The following ARHGAP28 variants were observed in gnomAD, a reference collection of about 807,000 sequenced individuals.
The protein encoded by ARHGAP28 is rho GTPase-activating protein 28.
Under a neutral mutation model 90.7 loss-of-function variants are expected in ARHGAP28, and 56 were observed. That is an observed-to-expected ratio of 0.62 (90% CI 0.50 to 0.77). The LOEUF (loss-of-function observed/expected upper bound fraction) is 0.77. Ranked by LOEUF, ARHGAP28 falls within the 30% of genes least tolerant of loss-of-function variation. The probability of loss-of-function intolerance (pLI) is 0.00; values close to 1 mark genes in which losing one functional copy is unlikely to be tolerated. For synonymous variants in ARHGAP28, 308 were observed against 323.3 expected (o/e 0.95, Z 0.51); for missense variants, 869 against 900.9 (o/e 0.96, Z 0.45).
At chr18:6,752,046 A>C (rs2056073679) in intron 1 of ARHGAP28, among the ~76,000 whole-genome samples, 1 of 152,244 alleles carries the variant, frequency 6.6e-6, no homozygotes, top group Non-Finnish European at 1.5e-5. Context: ...CTACACTTGT[A>C]GAACAGAGTA....
At chr18:6,730,946 A>G (rs1035300623) in intron 1 of ARHGAP28, among the ~76,000 whole-genome samples, 2 of 152,154 alleles carry the variant, frequency 1.3e-5, no homozygotes, top group Non-Finnish European at 2.9e-5. Context: ...TGTGATTTTA[A>G]TTGATTTCCT....
intron 2 of ARHGAP28, among the ~76,000 whole-genome samples, chr18:6,828,240 A>C (rs1013627241): frequency 1.3e-5 from 2 of 152,162 alleles, no homozygotes; most frequent in African/African-American, 4.8e-5. Context: ...AATCGCAGGC[A>C]CTCGGCAGGC....
rs749864588 is a variant in ARHGAP28, at chr18:6,890,094, C to T, written c.1734+9C>T. On this transcript the variant is annotated intron_variant, in intron 13 of 17. Coordinates refer to ENST00000383472, the MANE Select transcript of ARHGAP28 (RefSeq NM_001366230.1). Reference sequence around the variant, plus strand: ...AGAAGATTTTGTGGAAGGTGAGTGACATAGTGATGACAGGTCCCCCTCAGA... The same window carrying T: ...AGAAGATTTTGTGGAAGGTGAGTGATATAGTGATGACAGGTCCCCCTCAGA... 2.5e-6 allele frequency: 4 copies of T among 1,613,888 alleles called. No individual in the cohort carries two copies. The African/African-American group carries it at 5.3e-5, about 22-fold the overall frequency.
intron 2 of ARHGAP28, among the ~76,000 whole-genome samples, chr18:6,827,040 A>G (rs1173152048): frequency 1.3e-5 from 2 of 152,150 alleles, no homozygotes; most frequent in African/African-American, 2.4e-5. Context: ...AAGGCAGAAG[A>G]ATTTATCTTA....
At chr18:6,746,740 A>G (rs987108199) in intron 1 of ARHGAP28, among the ~76,000 whole-genome samples, 2 of 152,212 alleles carry the variant, frequency 1.3e-5, no homozygotes, top group African/African-American at 4.8e-5. Context: ...CATTACTTCA[A>G]ATATAGTGTC....
chr18:6,813,922 C>G (rs2056573595), intron 1 of ARHGAP28, among the ~76,000 whole-genome samples: 1 of 152,096 alleles, frequency 6.6e-6, no homozygotes, highest in Non-Finnish European at 1.5e-5. Context: ...CTGGGATCCT[C>G]TGTTTCATTG....
intron 4 of ARHGAP28, among the ~76,000 whole-genome samples, chr18:6,855,793 T>C (rs1234888656): frequency 6.6e-6 from 1 of 152,204 alleles, no homozygotes; most frequent in Non-Finnish European, 1.5e-5. Flanking sequence ...CCGCATTCCC[T>C]GGTGCCCACA....
At chr18:6,811,660 T>C (rs1192886344) in intron 1 of ARHGAP28, among the ~76,000 whole-genome samples, 2 of 151,428 alleles carry the variant, frequency 1.3e-5, no homozygotes, top group Non-Finnish European at 2.9e-5. Context: ...TACACGTCTA[T>C]TTTTTTTTCT....
intron 3 of ARHGAP28, among the ~76,000 whole-genome samples, chr18:6,838,413 A>G (rs2056770415): frequency 6.6e-6 from 1 of 152,232 alleles, no homozygotes; most frequent in African/African-American, 2.4e-5. Flanking sequence ...TGTAAGTCAT[A>G]TCTTCTTTTA....
intron 1 of ARHGAP28, among the ~76,000 whole-genome samples, chr18:6,765,942 A>G (rs1322790737): frequency 6.6e-6 from 1 of 152,224 alleles, no homozygotes; most frequent in African/African-American, 2.4e-5. Flanking sequence ...AAAAAAATCA[A>G]TTTCTAATTT....
In ARHGAP28 at chr18:6,873,579, C is replaced by T. The variant is rs777786487; in HGVS notation, c.1120+5C>T. 84 of 1,612,222 alleles carry T rather than the reference C, an allele frequency of 5.2e-5. 1 individual carries two copies. In the East Asian group the frequency reaches 1.8e-3, roughly 36 times the overall value. On this transcript the variant is annotated splice_donor_5th_base_variant and intron_variant, in intron 8 of 17. Coordinates refer to ENST00000383472, the MANE Select transcript of ARHGAP28 (RefSeq NM_001366230.1). ...CAGAGAAAGTAAAAGGACGAGGTAA[C>T]TAAGAAGACTGATTGCTTCTGGCTT... is the stretch of plus-strand genomic sequence containing the variant.
chr18:6,856,450 A>C (rs537254244), intron 4 of ARHGAP28, among the ~76,000 whole-genome samples: 10 of 152,280 alleles, frequency 6.6e-5, no homozygotes, highest in African/African-American at 2.4e-4. Context: ...TTGAAGTATA[A>C]CTTACAAACT....
chr18:6,818,871 C>T (rs564416830), intron 1 of ARHGAP28, among the ~76,000 whole-genome samples: 16 of 152,318 alleles, frequency 1.1e-4, no homozygotes, highest in African/African-American at 3.6e-4. Context: ...GTTTTGAGGA[C>T]AGAAGGTGCT....
At chr18:6,785,933 T>G (rs1324200107) in intron 1 of ARHGAP28, among the ~76,000 whole-genome samples, 1 of 152,238 alleles carries the variant, frequency 6.6e-6, no homozygotes, top group Non-Finnish European at 1.5e-5. Context: ...ATGAAACTTT[T>G]GTTACATGTA....
intron 1 of ARHGAP28, among the ~76,000 whole-genome samples, chr18:6,785,579 C>G (rs1390004642): frequency 6.6e-6 from 1 of 152,214 alleles, no homozygotes; most frequent in African/African-American, 2.4e-5. Flanking sequence ...TGCATACTTG[C>G]AGGAATTGAT....
chr18:6,859,512 T>A (rs950530215), intron 4 of ARHGAP28, among the ~76,000 whole-genome samples: 3 of 152,178 alleles, frequency 2.0e-5, no homozygotes, highest in Non-Finnish European at 4.4e-5. Context: ...AGCCTGGAAA[T>A]CAGGTTTTTT....
At chr18:6,768,605 C>T (rs2056218494) in intron 1 of ARHGAP28, among the ~76,000 whole-genome samples, 2 of 152,142 alleles carry the variant, frequency 1.3e-5, no homozygotes, top group African/African-American at 2.4e-5. Flanking sequence ...AGGGGCTGCT[C>T]TATGAAGTTG....
intron 1 of ARHGAP28, among the ~76,000 whole-genome samples, chr18:6,782,772 T>G (rs911452568): frequency 1.3e-5 from 2 of 151,568 alleles, no homozygotes; most frequent in Non-Finnish European, 2.9e-5. Context: ...ATATATCATA[T>G]TTTATATACA....
At chr18:6,799,466 A>T (rs962315883) in intron 1 of ARHGAP28, among the ~76,000 whole-genome samples, 1 of 152,220 alleles carries the variant, frequency 6.6e-6, no homozygotes, top group African/African-American at 2.4e-5. Context: ...CGGAGGCATC[A>T]CGCTACCTGA....
Sources: gnomAD v4.1 joint callset for allele counts (sites outside exome capture counted in the v4.1 genomes callset) on GRCh38, gnomAD v4.1.1 for gene constraint, MANE v1.5 for transcripts, NCBI Gene and HGNC (gene_info 2026-07-23, HGNC 2026-07-21) for gene names.